PARD3B: variants seen among roughly 807,000 people sequenced by gnomAD.
PARD3B encodes partitioning defective 3 homolog B.
PARD3B carries 103 observed loss-of-function variants against 130.2 expected under a neutral mutation model. The ratio of observed to expected loss-of-function variants is 0.79; its 90% confidence interval spans 0.67 to 0.93. The LOEUF (loss-of-function observed/expected upper bound fraction) is 0.93. Ranked by LOEUF, PARD3B falls within the 40% of genes least tolerant of loss-of-function variation. The pLI is 0.00. For missense variants in PARD3B, 1,609 were observed against 1,499.2 expected (o/e 1.07, Z -1.21); for synonymous variants, 583 against 553.2 (o/e 1.05, Z -0.76).
At chr2:204,782,977 G>A (rs2125456027) in intron 2 of PARD3B, among the ~76,000 whole-genome samples, 1 of 152,186 alleles carries the variant, frequency 6.6e-6, no homozygotes, top group South Asian at 2.1e-4. Flanking sequence ...TTTCAAAAGA[G>A]TGCTTATTCC....
At chr2:205,154,236 G>C (rs1374606688) in intron 10 of PARD3B, among the ~76,000 whole-genome samples, 1 of 152,174 alleles carries the variant, frequency 6.6e-6, no homozygotes, top group Non-Finnish European at 1.5e-5. Context: ...AGTGGGTGAA[G>C]GATATGAAAA....
chr2:205,598,682 A>G (rs2054663445), intron 22 of PARD3B, among the ~76,000 whole-genome samples: 1 of 152,330 alleles, frequency 6.6e-6, no homozygotes, highest in Admixed American at 6.5e-5. Flanking sequence ...TCATCTGCAC[A>G]GGGAACATAC....
intron 2 of PARD3B, among the ~76,000 whole-genome samples, chr2:204,688,636 G>GT (rs2037206748): frequency 6.6e-6 from 1 of 151,068 alleles, no homozygotes; most frequent in Admixed American, 6.6e-5. Flanking sequence ...GACAACCTTG[G>GT]TAATCTTAAG....
intron 1 of PARD3B, among the ~76,000 whole-genome samples, chr2:204,663,135 TTAATCCAAGCTG>T (rs750950676): frequency 1.9e-4 from 29 of 152,218 alleles, no homozygotes; most frequent in Non-Finnish European, 3.1e-4. Context: ...AGACATGAGC[TTAATCCAAGCTG>T]TAACCATGGT....
chr2:204,935,011 A>G (rs1363300249), intron 2 of PARD3B, among the ~76,000 whole-genome samples: 2 of 152,114 alleles, frequency 1.3e-5, no homozygotes, highest in African/African-American at 4.8e-5. Flanking sequence ...TCATGCCCTC[A>G]TTTAGAACAC....
chr2:205,046,258 T>G (rs1351589815), intron 3 of PARD3B, among the ~76,000 whole-genome samples: 1 of 151,910 alleles, frequency 6.6e-6, no homozygotes, highest in Non-Finnish European at 1.5e-5. Flanking sequence ...TCTTGTTTTT[T>G]TTTTTTAAAA....
At position 205,176,329 on chromosome 2, in the gene PARD3B, A is replaced by C. The variant is rs1001376565; in HGVS notation, c.1792-116A>C. 2.1e-5 allele frequency: 21 copies of C among 1,017,090 alleles called. No homozygotes were observed. The highest frequency in any genetic ancestry group is 2.6e-5 in the Non-Finnish European group (19 of 725,276). The allele number at this position is 1,017,090 out of a possible 1,614,324, so 63.0% of individuals were successfully genotyped here. ...TTGAGTTTCCACAGTTGAGGACTTA[A>C]GTGTAATAGACTCTTGAAAGACTAT... is the stretch of plus-strand genomic sequence containing the variant. On this transcript the variant is annotated intron_variant, in intron 12 of 22. Transcript: ENST00000406610. This position sits in a 1 kb window ranked among gnomAD's most constrained non-coding sequence, Gnocchi z 5.3.
intron 3 of PARD3B, among the ~76,000 whole-genome samples, chr2:204,994,874 T>G (rs1694015342): frequency 6.6e-6 from 1 of 151,938 alleles, no homozygotes; most frequent in South Asian, 2.1e-4. Flanking sequence ...TGGTTTAAAG[T>G]CTGTTTAATC....
At chr2:205,449,166 C>CA (rs757916003) in intron 20 of PARD3B, among the ~76,000 whole-genome samples, 6,168 of 49,766 alleles carry the variant, frequency 0.12, 296 homozygotes, top group Non-Finnish European at 0.17. Context: ...AACTCCATCT[C>CA]AAAAAAAAAA....
chr2:204,700,493 A>G (rs1354259798), intron 2 of PARD3B, among the ~76,000 whole-genome samples: 3 of 152,166 alleles, frequency 2.0e-5, no homozygotes, highest in African/African-American at 7.2e-5. Context: ...AGAGGAATAT[A>G]GCTCTGGATT....
At chr2:204,643,136 A>AAAAAAAAAAAAAAAAAAAAG (rs1559202402) in intron 1 of PARD3B, among the ~76,000 whole-genome samples, 4 of 145,198 alleles carry the variant, frequency 2.8e-5, no homozygotes, top group Non-Finnish European at 6.1e-5. Context: ...AAAAAAAAAA[A>AAAAAAAAAAAAAAAAAAAAG]TGTTTGGCAC....
intron 1 of PARD3B, among the ~76,000 whole-genome samples, chr2:204,608,255 A>C (rs1477374580): frequency 6.6e-6 from 1 of 152,206 alleles, no homozygotes; most frequent in African/African-American, 2.4e-5. Flanking sequence ...GGGGCAAGGA[A>C]AGTTTACAGC....
In PARD3B at chr2:205,183,763, T is replaced by TGTGTGG. The variant is rs1376520943; in HGVS notation, c.1925-1996_1925-1995insGGTGTG. Among the ~76,000 whole-genome samples the TGTGTGG allele has an allele frequency of 6.6e-6, 1 of 151,258 alleles. No homozygotes were observed. The highest frequency in any genetic ancestry group is 2.4e-5 in the African/African-American group (1 of 40,970). On this transcript the variant is annotated intron_variant, in intron 13 of 22. Transcript: ENST00000406610. The surrounding 1 kb of genome is among the most constrained non-coding windows in gnomAD (Gnocchi z 5.2). ...GTGTGTGTGTGTGTGTGTGTGTGTG[T>TGTGTGG]GTGTGTGTGTGAACAGATTTATGAT...
intron 20 of PARD3B, among the ~76,000 whole-genome samples, chr2:205,456,134 A>T (rs544151927): frequency 1.3e-5 from 2 of 152,046 alleles, no homozygotes; most frequent in African/African-American, 4.8e-5. Flanking sequence ...ATTTCTTCTT[A>T]CTTCTGAGTA....
chr2:204,572,372 C>T (rs974710252), intron 1 of PARD3B, among the ~76,000 whole-genome samples: 5 of 151,986 alleles, frequency 3.3e-5, no homozygotes, highest in African/African-American at 1.2e-4. Context: ...GACATTATTG[C>T]AGAAAAGTGG....
intron 1 of PARD3B, among the ~76,000 whole-genome samples, chr2:204,609,579 A>T (rs536826117): frequency 4.6e-5 from 7 of 152,204 alleles, no homozygotes; most frequent in Admixed American, 2.0e-4. Flanking sequence ...GGAGGATTCA[A>T]AGCTTTTCTA....
intron 2 of PARD3B, among the ~76,000 whole-genome samples, chr2:204,703,399 G>T (rs2037987230): frequency 6.6e-6 from 1 of 152,214 alleles, no homozygotes; most frequent in African/African-American, 2.4e-5. Context: ...AAAGAGATGG[G>T]AATGGGAGAG....
chr2:205,534,683 G>C (rs2051762403), intron 21 of PARD3B, among the ~76,000 whole-genome samples: 1 of 152,136 alleles, frequency 6.6e-6, no homozygotes. Context: ...TGGCCAAGCT[G>C]GTCTTGAACT....
chr2:205,069,756 C>G (rs1465889466), intron 4 of PARD3B, among the ~76,000 whole-genome samples: 3 of 152,110 alleles, frequency 2.0e-5, no homozygotes, highest in Non-Finnish European at 4.4e-5. Context: ...CTTCAAGGGA[C>G]CAGTGGCTCC....
Sources: gnomAD v4.1 joint callset for allele counts (sites outside exome capture counted in the v4.1 genomes callset) on GRCh38, gnomAD v4.1.1 for gene constraint, Gnocchi (gnomAD v3.1) non-coding constraint, MANE v1.5 for transcripts, NCBI Gene and HGNC (gene_info 2026-07-23, HGNC 2026-07-21) for gene names.